POF1B: variants seen among roughly 807,000 people sequenced by gnomAD.
POF1B encodes protein POF1B.
POF1B carries 53 observed loss-of-function variants against 55.3 expected under a neutral mutation model. That is an observed-to-expected ratio of 0.96 (90% CI 0.77 to 1.20). The LOEUF is 1.20. POF1B is among the 50% of genes most tolerant of loss of function. The pLI, the probability that POF1B is intolerant of heterozygous loss-of-function variation, is 0.00. For synonymous variants in POF1B, 188 were observed against 148.3 expected (o/e 1.27, Z -1.95); for missense variants, 478 against 420.5 (o/e 1.14, Z -1.20).
intron 3 of POF1B, among the ~76,000 whole-genome samples, chrX:85,364,870 C>G (rs1303576810): frequency 8.9e-6 from 1 of 112,012 alleles, no homozygotes; most frequent in Admixed American, 9.5e-5. Flanking sequence ...TCTCCCTGTC[C>G]CTTTCAGAGT....
rs200507402 is a variant in POF1B, at chrX:85,372,773, C to CTA, written c.283-5009_283-5008dup. ...ATTTATATATATTATATTATATATA[C>CTA]TATATATATATATACTTTAAGTTCT... is the stretch of plus-strand genomic sequence containing the variant. On this transcript the variant is annotated intron_variant, in intron 2 of 16. Coordinates refer to ENST00000262753, the MANE Select transcript of POF1B (RefSeq NM_024921.4). 9.4e-3 allele frequency among the ~76,000 whole-genome samples: 913 copies of CTA among 96,735 alleles called. 17 individuals carry two copies. Among genetic ancestry groups the CTA allele is most frequent in the Admixed American group, 0.037 (318 of 8,665 alleles). 84.0% of individuals were successfully genotyped at this position (96,735 alleles called of 115,157 possible).
intron 15 of POF1B, among the ~76,000 whole-genome samples, chrX:85,298,023 TC>T (rs1932346241): frequency 8.9e-6 from 1 of 112,473 alleles, no homozygotes; most frequent in East Asian, 2.8e-4. Context: ...TGTGGCTTTG[TC>T]CTCTACCTCC....
intron 6 of POF1B, among the ~76,000 whole-genome samples, chrX:85,331,476 A>C: frequency 9.0e-6 from 1 of 111,438 alleles, no homozygotes; most frequent in Non-Finnish European, 1.9e-5. Flanking sequence ...ATAAAAGTAC[A>C]TATTTATGAG....
intron 7 of POF1B, among the ~76,000 whole-genome samples, chrX:85,323,197 A>T (rs1932858519): frequency 8.9e-6 from 1 of 111,798 alleles, no homozygotes; most frequent in Non-Finnish European, 1.9e-5. Context: ...AACCAAGCCA[A>T]ATGTCCAACA....
intron 4 of POF1B, among the ~76,000 whole-genome samples, chrX:85,351,960 A>G (rs1175222205): frequency 2.7e-5 from 3 of 110,704 alleles, no homozygotes; most frequent in Non-Finnish European, 5.7e-5. Flanking sequence ...ACAATTCTTA[A>G]TTGTAATTAT....
At chrX:85,309,391 A>T (rs781267086) in intron 9 of POF1B, among the ~76,000 whole-genome samples, 3 of 110,898 alleles carry the variant, frequency 2.7e-5, no homozygotes, top group Admixed American at 1.9e-4. Flanking sequence ...GAAAAAAAAT[A>T]CTTTTCCCTA....
intron 2 of POF1B, among the ~76,000 whole-genome samples, chrX:85,370,130 T>TAC (rs1373757419): frequency 2.7e-5 from 3 of 112,230 alleles, no homozygotes; most frequent in Non-Finnish European, 5.6e-5. Context: ...CAAATAGGAA[T>TAC]ACACACACAT....
intron 7 of POF1B, among the ~76,000 whole-genome samples, chrX:85,326,581 G>A (rs976919667): frequency 2.0e-4 from 22 of 110,745 alleles, no homozygotes; most frequent in African/African-American, 7.2e-4. Flanking sequence ...CGGGATGCAC[G>A]GACGCTGGCA....
At chrX:85,314,575 T>G (rs1932766967) in intron 8 of POF1B, 69 bp from the exon 9 acceptor site, 1 of 747,749 alleles carries the variant, frequency 1.3e-6, no homozygotes, top group East Asian at 3.8e-5. Flanking sequence ...TCCACAGACT[T>G]TTGTGTAATG....
intron 15 of POF1B, among the ~76,000 whole-genome samples, chrX:85,294,469 T>A (rs1455671809): frequency 8.9e-6 from 1 of 112,319 alleles, no homozygotes; most frequent in Non-Finnish European, 1.9e-5. Flanking sequence ...TCACTTAAGA[T>A]AATCACATGT....
intron 4 of POF1B, among the ~76,000 whole-genome samples, chrX:85,353,821 A>G (rs1391157123): frequency 3.6e-5 from 4 of 111,471 alleles, no homozygotes; most frequent in Admixed American, 9.6e-5. Context: ...CAAATACAGA[A>G]CTAGACATGT....
At chrX:85,280,998 T>C (rs766831794) in intron 16 of POF1B, among the ~76,000 whole-genome samples, 2 of 110,434 alleles carry the variant, frequency 1.8e-5, no homozygotes, top group East Asian at 5.8e-4. Flanking sequence ...ACCCCTCTGG[T>C]TGTGAAAACC....
chrX:85,344,283 G>A (rs1933228359), intron 6 of POF1B, among the ~76,000 whole-genome samples: 1 of 111,085 alleles, frequency 9.0e-6, no homozygotes, highest in Non-Finnish European at 1.9e-5. Context: ...CTTTGTTTAT[G>A]TGATTCTCTC....
chrX:85,333,932 A>G (rs1280942968), intron 6 of POF1B, among the ~76,000 whole-genome samples: 1 of 97,776 alleles, frequency 1.0e-5, no homozygotes, highest in East Asian at 3.7e-4. Context: ...GGAATCCATA[A>G]TCCATTTGGG....
chrX:85,342,413 T>C (rs1158017773), intron 6 of POF1B, among the ~76,000 whole-genome samples: 1 of 111,507 alleles, frequency 9.0e-6, no homozygotes, highest in African/African-American at 3.3e-5. Context: ...GACCCAGAGT[T>C]GGGGCAAGAA....
intron 5 of POF1B, among the ~76,000 whole-genome samples, chrX:85,350,979 C>T (rs1002736135): frequency 1.1e-4 from 12 of 111,472 alleles, no homozygotes; most frequent in Middle Eastern, 4.7e-3. Context: ...ATTTAAAATT[C>T]GTTCTATATT....
chrX:85,325,033 G>C lies in POF1B; in HGVS notation c.854+5916C>G, dbSNP rs745917347. On this transcript the variant is annotated intron_variant, in intron 7 of 16. Coordinates refer to ENST00000262753, the MANE Select transcript of POF1B (RefSeq NM_024921.4). ...GAATACAGGCCCCCATTCTCTTTTGGCTTGTAGGATTTCTACTGACAGGTC... is the reference window on the plus strand; with the variant it reads ...GAATACAGGCCCCCATTCTCTTTTGCCTTGTAGGATTTCTACTGACAGGTC... 2.7e-5 allele frequency among the ~76,000 whole-genome samples: 3 copies of C among 111,733 alleles called. No homozygotes were observed. The South Asian group carries it at 1.1e-3, about 42-fold the overall frequency.
At chrX:85,284,291 A>G (rs1472068391) in intron 15 of POF1B, among the ~76,000 whole-genome samples, 2 of 111,778 alleles carry the variant, frequency 1.8e-5, no homozygotes, top group East Asian at 5.6e-4. Context: ...TTTTCACAGA[A>G]TTGGAAAAAA....
At position 85,347,325 on chromosome X, in the gene POF1B, C is replaced by T. The variant is rs1265627243; in HGVS notation, c.541-1283G>A. ...TGGCCTATATTAATACAGTAAAACA[C>T]TTCATATTTTACATTTTTATATGAA... On this transcript the variant is annotated intron_variant, in intron 5 of 16. Transcript: ENST00000262753. Among the ~76,000 whole-genome samples, 3 of 111,103 alleles carry T rather than the reference C, an allele frequency of 2.7e-5. No individual in the cohort carries two copies. In the Admixed American group the frequency reaches 2.9e-4, roughly 11 times the overall value.
Sources: allele counts gnomAD v4.1 joint callset (sites outside exome capture counted in the v4.1 genomes callset), GRCh38; gene constraint gnomAD v4.1.1; transcripts MANE v1.5; gene names NCBI Gene and HGNC (gene_info 2026-07-23, HGNC 2026-07-21).